BMPER: variants seen among roughly 807,000 people sequenced by gnomAD.
The protein encoded by BMPER is BMP binding endothelial regulator.
Under a neutral mutation model 87.3 loss-of-function variants are expected in BMPER, and 45 were observed. The observed-to-expected ratio is 0.52, with a 90% CI of 0.41 to 0.66. The LOEUF (loss-of-function observed/expected upper bound fraction) is 0.66, where lower values mean the gene tolerates loss of function less well. BMPER is among the 30% of genes least tolerant of loss of function. The pLI, the probability that BMPER is intolerant of heterozygous loss-of-function variation, is 0.00. For missense variants in BMPER, 784 were observed against 867.5 expected (o/e 0.90, Z 1.21); for synonymous variants, 326 against 316.2 (o/e 1.03, Z -0.33).
At chr7:33,905,394 G>A (rs1783780419), upstream of BMPER, 17 of 427,584 alleles carry the variant, frequency 4.0e-5, no homozygotes, top group South Asian at 4.0e-4. Context: ...GAGGAGCCTG[G>A]CCGCAGGACC....
chr7:33,930,760 G>A (rs893858600), intron 2 of BMPER, among the ~76,000 whole-genome samples: 4 of 152,164 alleles, frequency 2.6e-5, no homozygotes, highest in African/African-American at 4.8e-5. Flanking sequence ...GGGAAACATA[G>A]TGAGGCCTTG....
At chr7:34,146,920 G>C (rs1791042729) in intron 14 of BMPER, among the ~76,000 whole-genome samples, 1 of 152,164 alleles carries the variant, frequency 6.6e-6, no homozygotes, top group African/African-American at 2.4e-5. Context: ...TATCACTGGT[G>C]GTTGTTACTC....
chr7:33,953,561 C>T (rs991919400), intron 3 of BMPER, among the ~76,000 whole-genome samples: 2 of 152,144 alleles, frequency 1.3e-5, no homozygotes, highest in African/African-American at 4.8e-5. Flanking sequence ...ACTCAGATGC[C>T]TGAGCCCTAC....
At chr7:34,086,213 T>C in intron 13 of BMPER, 121 bp downstream of exon 13, 2 of 1,143,080 alleles carry the variant, frequency 1.7e-6, no homozygotes, top group South Asian at 2.7e-5. Context: ...AGGGTAGGCA[T>C]CTTCTTGCTG....
At chr7:34,077,665 A>G (rs1191359519) in intron 11 of BMPER, among the ~76,000 whole-genome samples, 2 of 152,226 alleles carry the variant, frequency 1.3e-5, no homozygotes, top group East Asian at 3.8e-4. Context: ...AAAATGACAT[A>G]ATATATCATA....
chr7:33,905,438 T>TCCCCCCC, upstream of BMPER: 6 of 23,002 alleles, frequency 2.6e-4, no homozygotes, highest in Admixed American at 6.0e-4. Context: ...CCTTGGTCTC[T>TCCCCCCC]CCCCCCGCCC....
At chr7:34,093,508 T>C (rs1468021370) in intron 13 of BMPER, among the ~76,000 whole-genome samples, 1 of 152,208 alleles carries the variant, frequency 6.6e-6, no homozygotes, top group Non-Finnish European at 1.5e-5. Flanking sequence ...AAAAACACAC[T>C]CCTGTCAGGC....
At chr7:34,111,774 C>T (rs1789969606) in intron 13 of BMPER, among the ~76,000 whole-genome samples, 1 of 152,128 alleles carries the variant, frequency 6.6e-6, no homozygotes, top group East Asian at 1.9e-4. Flanking sequence ...AGTGCAATGG[C>T]ACGATCTCGG....
chr7:33,982,527 G>A (rs1411538164), intron 6 of BMPER, among the ~76,000 whole-genome samples: 1 of 152,026 alleles, frequency 6.6e-6, no homozygotes, highest in Non-Finnish European at 1.5e-5. Context: ...TTTCTTAAAG[G>A]GCTGGATAGC....
At chr7:34,045,036 T>C (rs1787924318) in intron 6 of BMPER, among the ~76,000 whole-genome samples, 1 of 152,080 alleles carries the variant, frequency 6.6e-6, no homozygotes, top group Non-Finnish European at 1.5e-5. Context: ...GGTCCACAGC[T>C]CTTTGAGCTG....
intron 13 of BMPER, among the ~76,000 whole-genome samples, chr7:34,129,746 G>A (rs865978789): frequency 6.6e-6 from 1 of 152,152 alleles, no homozygotes; most frequent in Non-Finnish European, 1.5e-5. Flanking sequence ...GTCCCCAAGG[G>A]CATGGACTGA....
intron 14 of BMPER, among the ~76,000 whole-genome samples, chr7:34,149,121 GC>G (rs1791104918): frequency 6.6e-6 from 1 of 152,122 alleles, no homozygotes; most frequent in Admixed American, 6.6e-5. Flanking sequence ...GCCCTCAAGA[GC>G]CCAGGCCTCA....
intron 6 of BMPER, among the ~76,000 whole-genome samples, chr7:34,007,080 C>T (rs529805113): frequency 2.7e-4 from 41 of 152,168 alleles, no homozygotes; most frequent in African/African-American, 7.9e-4. Flanking sequence ...ATAAGCCTTG[C>T]CTTCCCATAA....
intron 2 of BMPER, among the ~76,000 whole-genome samples, chr7:33,928,277 G>T (rs1235565100): frequency 6.6e-6 from 1 of 152,056 alleles, no homozygotes. Flanking sequence ...TTTGCTTTTG[G>T]GAACTGAGCA....
chr7:34,015,927 C>T (rs1394849304), intron 6 of BMPER, among the ~76,000 whole-genome samples: 1 of 151,526 alleles, frequency 6.6e-6, no homozygotes, highest in Non-Finnish European at 1.5e-5. Context: ...GGAATCGTGA[C>T]TTTGGTGCTT....
chr7:33,996,944 T>C (rs141229391), intron 6 of BMPER, among the ~76,000 whole-genome samples: 1 of 152,342 alleles, frequency 6.6e-6, no homozygotes, highest in Non-Finnish European at 1.5e-5. Context: ...ACATTTCCAG[T>C]GCTCAATCGC....
chr7:34,100,285 A>T (rs1175088525), intron 13 of BMPER, among the ~76,000 whole-genome samples: 1 of 152,210 alleles, frequency 6.6e-6, no homozygotes, highest in East Asian at 1.9e-4. Context: ...GTGTAAGAAG[A>T]TCTTATACAG....
At chr7:34,103,129 G>A (rs1474861266) in intron 13 of BMPER, among the ~76,000 whole-genome samples, 1 of 152,192 alleles carries the variant, frequency 6.6e-6, no homozygotes, top group Non-Finnish European at 1.5e-5. Flanking sequence ...GCTGTGGGAT[G>A]GGGGCTGGAT....
chr7:34,012,756 A>T (rs369267967), intron 6 of BMPER, among the ~76,000 whole-genome samples: 10 of 152,114 alleles, frequency 6.6e-5, no homozygotes, highest in African/African-American at 2.4e-4. Flanking sequence ...GATTGAGGAA[A>T]TATGAACAAC....
Sources: allele counts gnomAD v4.1 joint callset (sites outside exome capture counted in the v4.1 genomes callset), GRCh38; gene constraint gnomAD v4.1.1; transcripts MANE v1.5; gene names NCBI Gene and HGNC (gene_info 2026-07-23, HGNC 2026-07-21).